The following MMEL1 variants were observed in gnomAD, a reference collection of about 807,000 sequenced individuals.
MMEL1 encodes membrane metalloendopeptidase like 1.
In MMEL1, 98 loss-of-function variants were observed where a neutral mutation model predicts 117.1. The observed-to-expected ratio is 0.84, with a 90% confidence interval of 0.71 to 0.99. The LOEUF (loss-of-function observed/expected upper bound fraction) is 0.99, where lower values mean the gene tolerates loss of function less well. MMEL1 is among the 50% of genes least tolerant of loss of function. The pLI, the probability that MMEL1 is intolerant of heterozygous loss-of-function variation, is 0.00. For synonymous variants in MMEL1, 390 were observed against 415.1 expected (o/e 0.94, Z 0.74); for missense variants, 1,014 against 1,049.1 (o/e 0.97, Z 0.46).
chr1:2,607,512 C>G (rs1570680515), intron 6 of MMEL1, among the ~76,000 whole-genome samples: 1 of 152,048 alleles, frequency 6.6e-6, no homozygotes, highest in African/African-American at 2.4e-5. Context: ...AGCCCTGGGG[C>G]CTGTGTGTGT....
At position 2,596,073 on chromosome 1, in the gene MMEL1, A is replaced by C. The variant is rs746364341; in HGVS notation, c.1436T>G (p.Phe479Cys). 1 of 1,613,910 alleles carries C rather than the reference A, an allele frequency of 6.2e-7. No homozygotes were observed. The highest frequency in any genetic ancestry group is 8.5e-7 in the Non-Finnish European group (1 of 1,179,928). ...GCCCAGCTCGTCCAGCGTCTCCACA[A>C]ACACTGTCCGCACCTTGTCAATGAG... ...RELIDKVRTV[F>C]VETLDELGWM... The change falls in exon 15 of 24, where the codon TTT becomes TGT. Residue 479 changes from phenylalanine to cysteine, a missense_variant. Coordinates refer to ENST00000378412, the MANE Select transcript of MMEL1 (RefSeq NM_033467.4).
rs533352345 is a variant in MMEL1, at chr1:2,617,317, C to T, written c.155-5113G>A. On this transcript the variant is annotated intron_variant, in intron 2 of 23. Transcript: ENST00000378412. ...TGGCGGGCGCCTGTAGTCCCAGCTA[C>T]TCGGGAGGCTGAGGCAGGAGAATGG... Among the ~76,000 whole-genome samples, 175 of 151,228 alleles carry T rather than the reference C, an allele frequency of 1.2e-3. 1 individual carries two copies. The highest frequency in any genetic ancestry group is 4.1e-3 in the African/African-American group (169 of 40,988).
At position 2,604,172 on chromosome 1, in the gene MMEL1, A is replaced by AGAACCT; in HGVS notation, c.925_926insAGGTTC (p.Gln307_Val308dup). 6.4e-7 allele frequency: 1 copy of AGAACCT among 1,560,350 alleles called. No individual in the cohort carries two copies. The highest frequency in any genetic ancestry group is 8.7e-7 in the Non-Finnish European group (1 of 1,148,608). On this transcript the variant is annotated inframe_insertion, in exon 10 of 24. Coordinates refer to ENST00000378412, the MANE Select transcript of MMEL1 (RefSeq NM_033467.4). ...CTTGGCCAGCTGTGTCTCCAGCTCC[A>AGAACCT]GCACCTGCACCATGTCCTCCTGCAC...
intron 18 of MMEL1, 82 bp from the exon 19 acceptor site, chr1:2,594,015 G>C: frequency 6.8e-7 from 1 of 1,478,362 alleles, no homozygotes; most frequent in Non-Finnish European, 9.0e-7. Flanking sequence ...CGCTGCCAGG[G>C]GTTCTGACAC....
At chr1:2,602,603 CACTCTT>C (rs1436447204) in intron 11 of MMEL1, among the ~76,000 whole-genome samples, 4 of 152,232 alleles carry the variant, frequency 2.6e-5, no homozygotes, top group Non-Finnish European at 5.9e-5. Context: ...CCCCTTCACT[CACTCTT>C]ACTTGTGAAC....
intron 2 of MMEL1, among the ~76,000 whole-genome samples, chr1:2,626,967 C>T (rs905883891): frequency 6.6e-6 from 1 of 152,098 alleles, no homozygotes; most frequent in Admixed American, 6.5e-5. Context: ...ATAGACAAAC[C>T]CCCAATCCAG....
At position 2,611,292 on chromosome 1, in the gene MMEL1, C is replaced by A. The variant is rs1431048614; in HGVS notation, c.281G>T (p.Cys94Phe). Residue 94 changes from cysteine to phenylalanine, a missense_variant, in exon 4 of 24, where the codon TGC becomes TTC. Coordinates refer to ENST00000378412, the MANE Select transcript of MMEL1 (RefSeq NM_033467.4). ...GGGGCGGGGCTTACCTGCTATCACG[C>A]AGCCAGGGGTGGTGCAGACCTCGCT... ...EVSEVCTTPGCVIAAARILQN... is the reference protein window; with the variant it reads ...EVSEVCTTPGFVIAAARILQN... The A allele has an allele frequency of 1.9e-6, 3 of 1,579,446 alleles. No individual in the cohort carries two copies. The highest frequency in any genetic ancestry group is 2.6e-6 in the Non-Finnish European group (3 of 1,164,460).
In MMEL1 at chr1:2,596,063, C is replaced by T. The variant is rs774008036; in HGVS notation, c.1446G>A (p.Thr482=). 6 of 1,613,912 alleles carry T rather than the reference C, an allele frequency of 3.7e-6. No homozygotes were observed. The highest frequency in any genetic ancestry group is 5.1e-6 in the Non-Finnish European group (6 of 1,179,964). ...IDKVRTVFVE[T]LDELGWMDEE... Reference sequence around the variant, plus strand: ...CGTCCATCCAGCCCAGCTCGTCCAGCGTCTCCACAAACACTGTCCGCACCT... The same window carrying T: ...CGTCCATCCAGCCCAGCTCGTCCAGTGTCTCCACAAACACTGTCCGCACCT... Residue 482 remains threonine (T), a synonymous_variant, in exon 15 of 24, where the codon ACG becomes ACA. Transcript: ENST00000378412.
chr1:2,619,712 T>G (rs1181274155), intron 2 of MMEL1, among the ~76,000 whole-genome samples: 2 of 149,928 alleles, frequency 1.3e-5, no homozygotes, highest in Non-Finnish European at 3.0e-5. Context: ...AAAATCAATT[T>G]GAAAAAGGAT....
intron 19 of MMEL1, 60 bp downstream of exon 19, chr1:2,593,754 T>A (rs981022017): frequency 4.6e-6 from 7 of 1,512,702 alleles, no homozygotes; most frequent in Non-Finnish European, 6.2e-6. Context: ...CCAGGCCCCT[T>A]CCTGGCTGCT....
rs772263850 is a variant in MMEL1 at position 2,606,308 on chromosome 1, G to A, written c.690C>T (p.Arg230=). ...LALMNSQFNR[R]VLIDLFIWND... ...TCCAGATGAAGAGGTCGATGAGGACGCGCCTGTTGAACTGTGAGTTCATCA... is the reference window on the plus strand; with the variant it reads ...TCCAGATGAAGAGGTCGATGAGGACACGCCTGTTGAACTGTGAGTTCATCA... Residue 230 remains arginine, a synonymous_variant, in exon 8 of 24, where the codon CGC becomes CGT. Coordinates refer to ENST00000378412, the MANE Select transcript of MMEL1 (RefSeq NM_033467.4). The A allele has an allele frequency of 4.3e-6, 7 of 1,612,992 alleles. No homozygotes were observed. Among genetic ancestry groups the A allele is most frequent in the South Asian group, 1.1e-5 (1 of 91,088 alleles).
chr1:2,629,124 C>G (rs1381813555), intron 2 of MMEL1, among the ~76,000 whole-genome samples: 1 of 152,104 alleles, frequency 6.6e-6, no homozygotes, highest in Admixed American at 6.5e-5. Context: ...TGGAAGGGAC[C>G]GCGGGCTCCC....
chr1:2,629,548 G>A (rs1213658836), intron 1 of MMEL1, 27 bp from the exon 2 acceptor site: 3 of 1,395,660 alleles, frequency 2.1e-6, no homozygotes, highest in Non-Finnish European at 2.8e-6. Flanking sequence ...GGGGAGAGGG[G>A]AGAGGGGCGT....
chr1:2,592,680 T>C lies in MMEL1; in HGVS notation c.2042A>G (p.Asn681Ser). 6.7e-7 allele frequency: 1 copy of C among 1,495,630 alleles called. No individual in the cohort carries two copies. 92.6% of individuals were successfully genotyped at this position (1,495,630 alleles called of 1,614,324 possible). The change falls in exon 21 of 24, where the codon AAC becomes AGC. Residue 681 changes from asparagine (N) to serine (S), a missense_variant. By Grantham distance (46) the Asn-to-Ser change is conservative. Transcript: ENST00000378412. Reference sequence around the variant, plus strand: ...CTTATAGGCTTGCCGCACCCCTCCGTTGTCAGCAATGTTTTCCCCAAGGGT... The same window carrying C: ...CTTATAGGCTTGCCGCACCCCTCCGCTGTCAGCAATGTTTTCCCCAAGGGT... ...FNTLGENIAD[N>S]GGVRQAYKAY...
intron 16 of MMEL1, 93 bp from the exon 17 acceptor site, chr1:2,594,986 G>A: frequency 1.9e-6 from 2 of 1,068,890 alleles, no homozygotes; most frequent in Middle Eastern, 2.2e-4. Context: ...AGGACCTCAA[G>A]CCTTGCCAGG....
chr1:2,613,937 CA>C (rs1345432729), intron 2 of MMEL1, among the ~76,000 whole-genome samples: 1 of 152,098 alleles, frequency 6.6e-6, no homozygotes, highest in Non-Finnish European at 1.5e-5. Flanking sequence ...TCTGGAAAAA[CA>C]AAACTTTAGA....
At chr1:2,625,496 G>A (rs1638234376) in intron 2 of MMEL1, among the ~76,000 whole-genome samples, 1 of 152,246 alleles carries the variant, frequency 6.6e-6, no homozygotes, top group Non-Finnish European at 1.5e-5. Flanking sequence ...GTGGCAGATA[G>A]ATAGGGATGC....
rs1168749408 is a variant in MMEL1, at chr1:2,629,400, GC to G, written c.84del (p.Leu29CysfsTer8). 7 of 1,545,642 alleles carry G rather than the reference GC, an allele frequency of 4.5e-6. No individual in the cohort carries two copies. The highest frequency in any genetic ancestry group is 4.4e-6 in the Non-Finnish European group (5 of 1,146,076). On this transcript the variant is annotated frameshift_variant, in exon 2 of 24. Coordinates refer to ENST00000378412, the MANE Select transcript of MMEL1 (RefSeq NM_033467.4). LOFTEE classifies it high-confidence loss of function. ...GQKRPGFLEG[G>X]LLLLLLLVTA... Reference sequence around the variant, plus strand: ...GTCACCAGCAGCAGCAGCAGCAGCAGCCCCCCCTCCAGGAACCCCGGGCGCT... The same window carrying G: ...GTCACCAGCAGCAGCAGCAGCAGCAGCCCCCCTCCAGGAACCCCGGGCGCT...
At chr1:2,617,153 CG>C (rs1303295617) in intron 2 of MMEL1, among the ~76,000 whole-genome samples, 1 of 152,088 alleles carries the variant, frequency 6.6e-6, no homozygotes, top group Non-Finnish European at 1.5e-5. Context: ...CGTGGCCAGG[CG>C]CGGTGGCTCA....
Sources: gnomAD v4.1 joint callset for allele counts (sites outside exome capture counted in the v4.1 genomes callset) on GRCh38, gnomAD v4.1.1 for gene constraint, MANE v1.5 for transcripts, NCBI Gene and HGNC (gene_info 2026-07-23, HGNC 2026-07-21) for gene names.